The following SLAMF9 variants were observed in gnomAD, a reference collection of about 807,000 sequenced individuals.
The protein encoded by SLAMF9 is CD2 family member 10.
In SLAMF9, 25 loss-of-function variants were observed where a neutral mutation model predicts 30.4. The ratio of observed to expected loss-of-function variants is 0.82; its 90% confidence interval spans 0.60 to 1.15. SLAMF9 has a LOEUF of 1.15. Ranked by LOEUF, SLAMF9 falls within the 50% of genes most tolerant of loss-of-function variation. The probability of loss-of-function intolerance (pLI) is 0.00; values close to 1 mark genes in which losing one functional copy is unlikely to be tolerated. For missense variants in SLAMF9, 344 were observed against 346.1 expected (o/e 0.99, Z 0.05); for synonymous variants, 129 against 127.2 (o/e 1.01, Z -0.09).
the SLAMF9 span, chr1:159,977,054 G>C: frequency 1.3e-5 from 2 of 152,206 alleles, no homozygotes; most frequent in Non-Finnish European, 2.9e-5. Context: ...TAGGTGAAAA[G>C]ATGAACAACA....
Position 159,951,707 on chromosome 1 carries a change from C to A in SLAMF9, c.824G>T (p.Arg275Ile). 1.2e-6 allele frequency: 2 copies of A among 1,614,184 alleles called. No individual in the cohort carries two copies. Among genetic ancestry groups the A allele is most frequent in the Non-Finnish European group, 1.7e-6 (2 of 1,180,038 alleles). ...CTTTGCCTCCTTCCTCAATTTCATT[C>A]TGTTTCTCATGAGTTTCTTCATCCT... Reference protein sequence around the residue: ...MPRMKKLMRNRMKLRKEAKPG... With the variant: ...MPRMKKLMRNIMKLRKEAKPG... The change falls in exon 4 of 4, where the codon AGA becomes ATA. Residue 275 changes from arginine to isoleucine, a missense_variant. By Grantham distance (97) the Arg-to-Ile change is moderately conservative. Coordinates refer to ENST00000368093, the MANE Select transcript of SLAMF9 (RefSeq NM_033438.4).
chr1:159,972,800 G>A, the SLAMF9 span: 17 of 779,244 alleles, frequency 2.2e-5, 1 homozygote, highest in South Asian at 4.6e-5. Flanking sequence ...CAGGGTCAGC[G>A]GGACCGTGGT....
At chr1:159,960,274 T>C in the SLAMF9 span, among the ~76,000 whole-genome samples, 2 of 150,288 alleles carry the variant, frequency 1.3e-5, no homozygotes, top group Non-Finnish European at 3.0e-5. Flanking sequence ...TGTTTGGTTT[T>C]TTGTCCTTGC....
In SLAMF9 at chr1:159,951,668, G is replaced by C; in HGVS notation, c.863C>G (p.Pro288Arg). The C allele has an allele frequency of 6.2e-7, 1 of 1,614,016 alleles. No homozygotes were observed. The highest frequency in any genetic ancestry group is 2.2e-5 in the East Asian group (1 of 44,884). Residue 288 changes from proline (P) to arginine (R), a missense_variant, in exon 4 of 4, where the codon CCT becomes CGT. By Grantham distance (103) the Pro-to-Arg change is moderately radical (BLOSUM62 -2). Transcript: ENST00000368093. ...LRKEAKPGSS[P>R]A ...GGGGTTCCCAAGGAGCAGTCAGGCA[G>C]GGCTGGAGCCAGGCTTTGCCTCCTT...
chr1:159,980,437 C>T, the SLAMF9 span: 1 of 152,324 alleles, frequency 6.6e-6, no homozygotes, highest in East Asian at 1.9e-4. Flanking sequence ...AGTGCCCACC[C>T]ACTTCCTTCA....
chr1:159,953,816 T>C (rs919913357), intron 1 of SLAMF9, among the ~76,000 whole-genome samples, 163 bp from the exon 2 acceptor site: 13 of 152,216 alleles, frequency 8.5e-5, no homozygotes, highest in Non-Finnish European at 1.8e-4. Flanking sequence ...AGATTTCCCC[T>C]TTCCCTGAGT....
the SLAMF9 span, among the ~76,000 whole-genome samples, chr1:159,971,635 G>T: frequency 1.3e-5 from 2 of 152,114 alleles, no homozygotes; most frequent in South Asian, 4.1e-4. Context: ...GACCAAGGAA[G>T]GTGCAGAGAT....
the SLAMF9 span, among the ~76,000 whole-genome samples, chr1:159,959,425 G>A: frequency 7.2e-4 from 110 of 151,998 alleles, no homozygotes; most frequent in African/African-American, 2.2e-3. Context: ...TGCCCCTATC[G>A]TACAGCACCC....
the SLAMF9 span, among the ~76,000 whole-genome samples, chr1:159,982,062 T>G: frequency 6.6e-6 from 1 of 152,256 alleles, no homozygotes; most frequent in Non-Finnish European, 1.5e-5. Flanking sequence ...TCTTGGCCTC[T>G]GCTTCTCAAC....
chr1:159,982,857 C>T, the SLAMF9 span: 3 of 152,226 alleles, frequency 2.0e-5, no homozygotes, highest in East Asian at 3.9e-4. Context: ...GGTGAAACCC[C>T]GTTTCTACTA....
chr1:159,962,131 C>T, the SLAMF9 span, among the ~76,000 whole-genome samples: 3 of 151,376 alleles, frequency 2.0e-5, no homozygotes, highest in Non-Finnish European at 4.4e-5. Flanking sequence ...GTACTCCAGC[C>T]TGGGGACAGA....
chr1:159,959,184 T>C (rs1223630638), upstream of SLAMF9, among the ~76,000 whole-genome samples: 1 of 152,178 alleles, frequency 6.6e-6, no homozygotes, highest in Non-Finnish European at 1.5e-5. Context: ...TCTTCTTACC[T>C]AGCTGAGTGG....
chr1:159,974,969 G>A, the SLAMF9 span, among the ~76,000 whole-genome samples: 2 of 152,102 alleles, frequency 1.3e-5, no homozygotes, highest in African/African-American at 2.4e-5. Context: ...GCATAGGCCC[G>A]GGTGTTCAAA....
chr1:159,978,448 C>T, the SLAMF9 span, among the ~76,000 whole-genome samples: 1 of 152,082 alleles, frequency 6.6e-6, no homozygotes, highest in African/African-American at 2.4e-5. Flanking sequence ...GGTAGATGGA[C>T]AAATGTAGAC....
chr1:159,968,322 G>A, the SLAMF9 span, among the ~76,000 whole-genome samples: 1 of 152,066 alleles, frequency 6.6e-6, no homozygotes, highest in East Asian at 1.9e-4. Context: ...TCTCATTTTT[G>A]TAATTCTTTA....
chr1:159,966,194 G>C, the SLAMF9 span, among the ~76,000 whole-genome samples: 9 of 152,212 alleles, frequency 5.9e-5, no homozygotes, highest in East Asian at 1.7e-3. Context: ...ATCTAAATAA[G>C]ATCATGCAGT....
chr1:159,953,737 T>C (rs931306938), intron 1 of SLAMF9, 84 bp from the exon 2 acceptor site: 1 of 1,241,424 alleles, frequency 8.1e-7, no homozygotes. Flanking sequence ...CAGAGTAGCG[T>C]AATCTCAGCT....
At chr1:159,976,234 G>C in the SLAMF9 span, among the ~76,000 whole-genome samples, 3 of 151,946 alleles carry the variant, frequency 2.0e-5, no homozygotes, top group Non-Finnish European at 2.9e-5. Flanking sequence ...TAAGGAATTT[G>C]TTAAATAAAT....
the SLAMF9 span, among the ~76,000 whole-genome samples, chr1:159,971,172 A>G: frequency 6.6e-6 from 1 of 152,200 alleles, no homozygotes; most frequent in East Asian, 1.9e-4. Flanking sequence ...AGTGCTTGGC[A>G]TAAATCCCTC....
Sources: gnomAD v4.1 joint callset for allele counts (sites outside exome capture counted in the v4.1 genomes callset) on GRCh38, gnomAD v4.1.1 for gene constraint, MANE v1.5 for transcripts, NCBI Gene and HGNC (gene_info 2026-07-23, HGNC 2026-07-21) for gene names.